Variants in AK5 observed in about 807,000 individuals in gnomAD.
AK5 encodes the protein adenylate kinase 5.
In AK5, 27 loss-of-function variants were observed where a neutral mutation model predicts 69.5. The observed-to-expected ratio is 0.39, with a 90% CI of 0.29 to 0.54. The LOEUF (loss-of-function observed/expected upper bound fraction) is 0.54, where lower values mean the gene tolerates loss of function less well. Ranked by LOEUF, AK5 falls within the 20% of genes least tolerant of loss-of-function variation. The probability of loss-of-function intolerance (pLI) is 0.71; values close to 1 mark genes in which losing one functional copy is unlikely to be tolerated. For missense variants in AK5, 531 were observed against 700.4 expected, an observed-to-expected ratio of 0.76 and a Z score of 2.73; for synonymous variants, 260 against 244.4, an observed-to-expected ratio of 1.06 and a Z score of -0.60.
At chr1:77,456,625 C>T (rs1006064098) in intron 8 of AK5, among the ~76,000 whole-genome samples, 2 of 152,210 alleles carry the variant, frequency 1.3e-5, no homozygotes, top group Admixed American at 1.3e-4. Flanking sequence ...TGGAGACCAG[C>T]TGTCCCAGCT....
At chr1:77,468,336 C>T (rs1259640381) in intron 8 of AK5, among the ~76,000 whole-genome samples, 2 of 152,228 alleles carry the variant, frequency 1.3e-5, no homozygotes, top group African/African-American at 2.4e-5. Context: ...AAAAGATCCC[C>T]GTCTTGGCAG....
intron 3 of AK5, 83 bp from the exon 4 acceptor site, chr1:77,297,476 C>A: frequency 7.7e-7 from 1 of 1,302,336 alleles, no homozygotes; most frequent in Non-Finnish European, 1.1e-6. Context: ...ACAGAATTTG[C>A]ATCCCAGATG....
intron 13 of AK5, among the ~76,000 whole-genome samples, chr1:77,554,380 G>A (rs929635107): frequency 6.6e-6 from 1 of 152,158 alleles, no homozygotes; most frequent in African/African-American, 2.4e-5. Flanking sequence ...AGTGAGCTCA[G>A]ATTTGGAATA....
chr1:77,419,359 G>A (rs1270501459), intron 8 of AK5, among the ~76,000 whole-genome samples: 1 of 152,002 alleles, frequency 6.6e-6, no homozygotes. Context: ...CAACAAGGAA[G>A]CCAGCTAGTT....
chr1:77,321,472 C>CAAAAA (rs749186735), intron 5 of AK5, among the ~76,000 whole-genome samples: 1 of 131,250 alleles, frequency 7.6e-6, no homozygotes. Flanking sequence ...GACTCCGTCT[C>CAAAAA]AAAAAAAAAA....
chr1:77,338,333 G>A (rs1661477821), intron 5 of AK5, among the ~76,000 whole-genome samples: 1 of 152,092 alleles, frequency 6.6e-6, no homozygotes, highest in Non-Finnish European at 1.5e-5. Flanking sequence ...AGTTTAGATG[G>A]GTAAGGGTTA....
intron 8 of AK5, among the ~76,000 whole-genome samples, chr1:77,451,298 T>C (rs1318721383): frequency 3.9e-5 from 6 of 152,240 alleles, no homozygotes; most frequent in Non-Finnish European, 7.3e-5. Flanking sequence ...CCTTGATTGA[T>C]AGACATTTAA....
intron 8 of AK5, among the ~76,000 whole-genome samples, chr1:77,445,141 G>C (rs1007672684): frequency 6.6e-6 from 1 of 152,108 alleles, no homozygotes; most frequent in Non-Finnish European, 1.5e-5. Flanking sequence ...TTTCCTTTGG[G>C]TATGAAAGGA....
intron 8 of AK5, among the ~76,000 whole-genome samples, chr1:77,458,462 C>A (rs916605417): frequency 6.6e-6 from 1 of 152,150 alleles, no homozygotes; most frequent in African/African-American, 2.4e-5. Context: ...CATTTTCATG[C>A]TGCTGATAAA....
chr1:77,368,117 T>A (rs1227019710), intron 6 of AK5, among the ~76,000 whole-genome samples: 1 of 134,604 alleles, frequency 7.4e-6, no homozygotes, highest in Admixed American at 8.6e-5. Flanking sequence ...TATATATAAG[T>A]TAAAAGCGAA....
intron 5 of AK5, among the ~76,000 whole-genome samples, chr1:77,312,476 G>A (rs769456967): frequency 5.9e-5 from 9 of 152,008 alleles, no homozygotes; most frequent in Non-Finnish European, 1.0e-4. Flanking sequence ...TCAGCCAGGC[G>A]TGGTGGCACA....
intron 8 of AK5, among the ~76,000 whole-genome samples, chr1:77,464,659 G>T (rs775834139): frequency 6.6e-6 from 1 of 152,126 alleles, no homozygotes; most frequent in Non-Finnish European, 1.5e-5. Flanking sequence ...TACGGGATAG[G>T]CTGGCCCAGA....
intron 5 of AK5, among the ~76,000 whole-genome samples, chr1:77,303,783 G>T (rs543700150): frequency 7.2e-5 from 11 of 152,326 alleles, no homozygotes; most frequent in Admixed American, 2.0e-4. Context: ...CTAGGTCACT[G>T]CCATGGCCAG....
chr1:77,493,334 C>A (rs186698969), intron 10 of AK5, among the ~76,000 whole-genome samples: 207 of 151,784 alleles, frequency 1.4e-3, no homozygotes, highest in African/African-American at 4.7e-3. Context: ...AGCAGCCCCC[C>A]CCAGGTTCTC....
intron 6 of AK5, among the ~76,000 whole-genome samples, chr1:77,360,582 G>A (rs1011977025): frequency 6.6e-6 from 1 of 152,160 alleles, no homozygotes; most frequent in Non-Finnish European, 1.5e-5. Flanking sequence ...AAAAACTAAG[G>A]CAGCAGTTAG....
intron 8 of AK5, among the ~76,000 whole-genome samples, chr1:77,447,617 ATC>A (rs965612723): frequency 1.3e-5 from 2 of 152,236 alleles, no homozygotes; most frequent in Admixed American, 1.3e-4. Flanking sequence ...CTTCTCTAAC[ATC>A]TTATTAACCA....
At chr1:77,360,912 T>A (rs972879027) in intron 6 of AK5, among the ~76,000 whole-genome samples, 1 of 152,158 alleles carries the variant, frequency 6.6e-6, no homozygotes, top group Non-Finnish European at 1.5e-5. Flanking sequence ...GAAAACTTGC[T>A]CATAGGAAGG....
chr1:77,365,141 A>T lies in AK5; in HGVS notation c.891+24573A>T, dbSNP rs531125150. Among the ~76,000 whole-genome samples the T allele has an allele frequency of 6.3e-4, 96 of 151,856 alleles. 1 individual carries two copies. The highest frequency in any genetic ancestry group is 2.2e-3 in the African/African-American group (93 of 41,396). On this transcript the variant is annotated intron_variant, in intron 6 of 13. Transcript: ENST00000354567. The stretch of plus-strand genomic sequence containing the variant: ...TTAGTGATATTGAACATTTTTTCAT[A>T]TATTTGTTGGCCATTTTTCTTCTTT...
chr1:77,441,039 G>A (rs113649390), intron 8 of AK5, among the ~76,000 whole-genome samples: 22,648 of 152,102 alleles, frequency 0.15, 1,898 homozygotes, highest in Admixed American at 0.25. Context: ...GTGAGCCACC[G>A]TGCTCAGCCA....
Sources: gnomAD v4.1 joint callset for allele counts (sites outside exome capture counted in the v4.1 genomes callset) on GRCh38, gnomAD v4.1.1 for gene constraint, MANE v1.5 for transcripts, NCBI Gene and HGNC (gene_info 2026-07-23, HGNC 2026-07-21) for gene names.